The following NAPA variants were observed in gnomAD, a reference collection of about 807,000 sequenced individuals.
NAPA encodes alpha-soluble NSF attachment protein.
In NAPA, 18 loss-of-function variants were observed where a neutral mutation model predicts 48.0. The ratio of observed to expected loss-of-function variants is 0.38; its 90% CI spans 0.26 to 0.56. The LOEUF (loss-of-function observed/expected upper bound fraction) is 0.56. NAPA is among the 20% of genes least tolerant of loss of function. NAPA has a pLI of 0.77. For missense variants in NAPA, 315 were observed against 385.0 expected (o/e 0.82, Z 1.52); for synonymous variants, 152 against 149.9 (o/e 1.01, Z -0.10).
At position 47,492,949 on chromosome 19, in the gene NAPA, A is replaced by C. The variant is rs753777597; in HGVS notation, c.561+12T>G. ...GGGCAGGGTGGAAGCCGCCATCCCC[A>C]CCTGTCCCCACCTGTTCGTAGATGT... On this transcript the variant is annotated intron_variant, in intron 7 of 10. Coordinates refer to ENST00000263354, the MANE Select transcript of NAPA (RefSeq NM_003827.4). 1.2e-6 allele frequency: 2 copies of C among 1,613,692 alleles called. No homozygotes were observed. The highest frequency in any genetic ancestry group is 3.3e-5 in the Admixed American group (2 of 60,018).
Position 47,492,946 on chromosome 19 carries a change from C to G in NAPA, c.561+15G>C. Reference sequence around the variant, plus strand: ...AGGGGGCAGGGTGGAAGCCGCCATCCCCACCTGTCCCCACCTGTTCGTAGA... The same window carrying G: ...AGGGGGCAGGGTGGAAGCCGCCATCGCCACCTGTCCCCACCTGTTCGTAGA... On this transcript the variant is annotated intron_variant, in intron 7 of 10. Coordinates refer to ENST00000263354, the MANE Select transcript of NAPA (RefSeq NM_003827.4). The G allele has an allele frequency of 1.2e-6, 2 of 1,613,624 alleles. No homozygotes were observed. Among genetic ancestry groups the G allele is most frequent in the Non-Finnish European group, 1.7e-6 (2 of 1,179,590 alleles).
intron 1 of NAPA, among the ~76,000 whole-genome samples, chr19:47,514,457 C>T (rs370169345): frequency 6.6e-6 from 1 of 152,136 alleles, no homozygotes; most frequent in African/African-American, 2.4e-5. Context: ...CCTGGCTTCT[C>T]TCCCGGACTC....
At chr19:47,485,021 T>G (rs114169191), downstream of NAPA, among the ~76,000 whole-genome samples, 2,265 of 152,136 alleles carry the variant, frequency 0.015, 39 homozygotes, top group Middle Eastern at 0.054. Context: ...ATCTTAACAG[T>G]ATCACCTTTA....
chr19:47,497,133 GTGAGGT>G, intron 3 of NAPA: 1 of 218,680 alleles, frequency 4.6e-6, no homozygotes, highest in Non-Finnish European at 9.5e-6. Context: ...AGCAGCTGGA[GTGAGGT>G]GAGAGGCCCG....
Position 47,487,736 on chromosome 19 carries a change from G to A in NAPA, c.*552C>T, listed in dbSNP as rs2122714914. The A allele has an allele frequency of 6.6e-6, 1 of 152,552 alleles. No homozygotes were observed. Among genetic ancestry groups the A allele is most frequent in the African/African-American group, 2.4e-5 (1 of 41,570 alleles). The allele number at this position is 152,552 out of a possible 1,614,324, so 9.4% of individuals were successfully genotyped here. On this transcript the variant is annotated 3_prime_UTR_variant, in exon 11 of 11. Coordinates refer to ENST00000263354, the MANE Select transcript of NAPA (RefSeq NM_003827.4). ...TAGGGAAGGAGCAGGTGTGGGGCTG[G>A]GGTGGGGAGAATCCCCTAAGCTCCA... is the stretch of plus-strand genomic sequence containing the variant.
Position 47,515,055 on chromosome 19 carries a change from CCGG to C in NAPA, c.-118_-116del. 2 of 1,084,752 alleles carry C rather than the reference CCGG, an allele frequency of 1.8e-6. No homozygotes were observed. Among genetic ancestry groups the C allele is most frequent in the Non-Finnish European group, 2.6e-6 (2 of 758,462 alleles). 67.2% of individuals were successfully genotyped at this position (1,084,752 alleles called of 1,614,324 possible). On this transcript the variant is annotated 5_prime_UTR_variant, in exon 1 of 11. Transcript: ENST00000263354. ...CTCGCCCGGCTGCGTTGACGTCGCA[CCGG>C]CGCGCGTCGCTTGCGGCCAGGAACC...
At chr19:47,495,724 A>T in intron 3 of NAPA, 128 bp from the exon 4 acceptor site, 1 of 817,656 alleles carries the variant, frequency 1.2e-6, no homozygotes, top group Non-Finnish European at 2.1e-6. Flanking sequence ...CAGAGCTGCC[A>T]GCGCTGCCAC....
chr19:47,491,737 T>C (rs1050471420), intron 8 of NAPA, among the ~76,000 whole-genome samples: 5 of 152,188 alleles, frequency 3.3e-5, no homozygotes, highest in African/African-American at 1.2e-4. Flanking sequence ...TGGTGCTGAC[T>C]TTAATGGGGT....
At chr19:47,507,515 T>G (rs555726554) in intron 1 of NAPA, among the ~76,000 whole-genome samples, 78 of 152,076 alleles carry the variant, frequency 5.1e-4, no homozygotes, top group Non-Finnish European at 1.0e-3. Flanking sequence ...AGGCCCCCAT[T>G]TCGGGTCCTG....
At chr19:47,495,731 C>T (rs1968406304) in intron 3 of NAPA, 135 bp from the exon 4 acceptor site, 1 of 774,208 alleles carries the variant, frequency 1.3e-6, no homozygotes, top group African/African-American at 1.7e-5. Flanking sequence ...GCCAGCGCTG[C>T]CACACACTCT....
chr19:47,500,954 C>T (rs1568468213), intron 2 of NAPA, among the ~76,000 whole-genome samples: 1 of 152,176 alleles, frequency 6.6e-6, no homozygotes, highest in Non-Finnish European at 1.5e-5. Flanking sequence ...CTGGCTCCTG[C>T]GCTGAGGCTC....
chr19:47,485,529 G>A (rs538650735), downstream of NAPA, among the ~76,000 whole-genome samples: 2 of 152,212 alleles, frequency 1.3e-5, no homozygotes, highest in Non-Finnish European at 2.9e-5. Flanking sequence ...GACACCTCGA[G>A]CACACACAGA....
At position 47,506,425 on chromosome 19, in the gene NAPA, G is replaced by A. The variant is rs7251265; in HGVS notation, c.99-2923C>T. 0.032 allele frequency among the ~76,000 whole-genome samples: 4,879 copies of A among 152,222 alleles called. 243 individuals are homozygous for A. The highest frequency in any genetic ancestry group is 0.11 in the African/African-American group (4,605 of 41,512). ...AAAAACCCTCAGAAGGACCTTCTCT[G>A]GAATGTTCTCTTAAAGGGACATTTT... On this transcript the variant is annotated intron_variant, in intron 1 of 10. Coordinates refer to ENST00000263354, the MANE Select transcript of NAPA (RefSeq NM_003827.4). The surrounding 1 kb of genome is among the most constrained non-coding windows in gnomAD (Gnocchi z 4.0).
rs540779525 is a variant in NAPA, at chr19:47,494,804, C to A, written c.342+746G>T. On this transcript the variant is annotated intron_variant, in intron 4 of 10. Transcript: ENST00000263354. ...ACAGGAGCCCCGGCCTGGGTGGGAC[C>A]CTTCACTCTGGCTCCAGTTGGCAGC... Among the ~76,000 whole-genome samples the A allele has an allele frequency of 1.1e-4, 17 of 151,554 alleles. No homozygotes were observed. In the East Asian group the frequency reaches 3.1e-3, roughly 28 times the overall value.
At chr19:47,495,206 C>A (rs1315811290) in intron 4 of NAPA, 2 of 343,888 alleles carry the variant, frequency 5.8e-6, no homozygotes. Context: ...GTTGCCCAGG[C>A]TGGTCTCGAA....
At chr19:47,502,009 G>A (rs971575448) in intron 2 of NAPA, among the ~76,000 whole-genome samples, 5 of 151,978 alleles carry the variant, frequency 3.3e-5, no homozygotes, top group East Asian at 1.9e-4. Flanking sequence ...TTGGGAGGCC[G>A]AGGTGGGCGG....
In NAPA at chr19:47,493,330, G is replaced by T; in HGVS notation, c.420+86C>A. The stretch of plus-strand genomic sequence containing the variant: ...CCCCATGCCCCCTTCTCGGCACTCA[G>T]ACACCAGAGGACTCCCCTGGTGGGA... On this transcript the variant is annotated intron_variant, in intron 5 of 10. Transcript: ENST00000263354. The surrounding 1 kb of genome is among the most constrained non-coding windows in gnomAD (Gnocchi z 6.4). 6.6e-7 allele frequency: 1 copy of T among 1,523,926 alleles called. No homozygotes were observed. The highest frequency in any genetic ancestry group is 1.1e-5 in the South Asian group (1 of 88,538). 94.4% of individuals were successfully genotyped at this position (1,523,926 alleles called of 1,614,324 possible). A position where few individuals can be genotyped will look rare whatever the true frequency, so the allele number is the denominator to read the frequency against.
intron 3 of NAPA, chr19:47,496,923 AG>A (rs1194232681): frequency 8.9e-6 from 4 of 451,274 alleles, no homozygotes; most frequent in Non-Finnish European, 1.8e-5. Flanking sequence ...GACTGAGAGA[AG>A]GTACAGCACT....
chr19:47,505,377 C>CA (rs2122769390), intron 1 of NAPA: 1 of 152,306 alleles, frequency 6.6e-6, no homozygotes, highest in South Asian at 2.1e-4. Flanking sequence ...TGGAGGGGCT[C>CA]AAAGGTAATT....
Sources: allele counts gnomAD v4.1 joint callset (sites outside exome capture counted in the v4.1 genomes callset), GRCh38; gene constraint gnomAD v4.1.1; non-coding constraint Gnocchi (gnomAD v3.1); transcripts MANE v1.5; gene names NCBI Gene and HGNC (gene_info 2026-07-23, HGNC 2026-07-21).